The following ADAMTSL1 variants were observed in gnomAD, a reference collection of about 807,000 sequenced individuals.
The protein encoded by ADAMTSL1 is ADAMTS like 1, also known as ADAMTS-like protein 1.
In ADAMTSL1, 126 loss-of-function variants were observed where a neutral mutation model predicts 201.8. The observed-to-expected ratio is 0.62, with a 90% CI of 0.54 to 0.72. The LOEUF is 0.72. Ranked by LOEUF, ADAMTSL1 falls within the 30% of genes least tolerant of loss-of-function variation. The pLI is 0.00. For missense variants in ADAMTSL1, 2,679 were observed against 2,277.8 expected, an observed-to-expected ratio of 1.18 and a Z score of -3.59; for synonymous variants, 1,121 against 903.4, an observed-to-expected ratio of 1.24 and a Z score of -4.32.
At chr9:18,128,104 T>A (rs2067718) in intron 1 of ADAMTSL1, among the ~76,000 whole-genome samples, 2,585 of 152,312 alleles carry the variant, frequency 0.017, 40 homozygotes, top group African/African-American at 0.045. Context: ...TAGTTTGTGA[T>A]ATACTGAGTC....
chr9:18,279,574 A>T (rs542841137), intron 2 of ADAMTSL1, among the ~76,000 whole-genome samples: 7 of 151,510 alleles, frequency 4.6e-5, no homozygotes, highest in African/African-American at 1.2e-4. Flanking sequence ...CCCTTCACCA[A>T]TCGGGGAAAC....
chr9:17,958,702 C>G (rs1307123464), intron 1 of ADAMTSL1, among the ~76,000 whole-genome samples: 1 of 152,012 alleles, frequency 6.6e-6, no homozygotes, highest in Non-Finnish European at 1.5e-5. Flanking sequence ...TAAAACCAAA[C>G]CCAAACCCAA....
intron 23 of ADAMTSL1, among the ~76,000 whole-genome samples, chr9:18,846,418 G>A (rs575965764): frequency 6.6e-5 from 10 of 152,254 alleles, no homozygotes; most frequent in East Asian, 5.8e-4. Flanking sequence ...TAGAGGAGCC[G>A]GCAGAGGTTA....
At chr9:18,356,472 G>A (rs759098240) in intron 2 of ADAMTSL1, among the ~76,000 whole-genome samples, 2 of 146,148 alleles carry the variant, frequency 1.4e-5, no homozygotes. Context: ...AGGCTTCAGT[G>A]AGCTATGATT....
intron 3 of ADAMTSL1, among the ~76,000 whole-genome samples, chr9:18,541,155 G>C (rs924996715): frequency 6.6e-6 from 1 of 152,178 alleles, no homozygotes; most frequent in African/African-American, 2.4e-5. Context: ...ATTGGGAGCA[G>C]GCTCTCCTAT....
At chr9:18,224,026 T>A (rs1272984324) in intron 2 of ADAMTSL1, among the ~76,000 whole-genome samples, 1 of 152,136 alleles carries the variant, frequency 6.6e-6, no homozygotes, top group Non-Finnish European at 1.5e-5. Context: ...GCATTCTTTT[T>A]TTTTCTTCTT....
intron 15 of ADAMTSL1, among the ~76,000 whole-genome samples, chr9:18,725,617 T>C (rs763873670): frequency 3.3e-5 from 5 of 152,188 alleles, no homozygotes; most frequent in Non-Finnish European, 5.9e-5. Flanking sequence ...ATAAGGAGGT[T>C]TTCTGTGTTA....
intron 2 of ADAMTSL1, among the ~76,000 whole-genome samples, chr9:18,513,261 A>C (rs1818142722): frequency 6.6e-6 from 1 of 151,838 alleles, no homozygotes; most frequent in Non-Finnish European, 1.5e-5. Flanking sequence ...CAATTTAGCC[A>C]TCTTGCATCA....
intron 3 of ADAMTSL1, among the ~76,000 whole-genome samples, chr9:18,546,154 T>A (rs1408704922): frequency 3.9e-5 from 6 of 152,326 alleles, no homozygotes; most frequent in African/African-American, 9.6e-5. Flanking sequence ...AAAGAGGTTA[T>A]CTTTGAGGTT....
intron 19 of ADAMTSL1, among the ~76,000 whole-genome samples, chr9:18,780,921 A>G (rs1225816865): frequency 1.3e-5 from 2 of 152,186 alleles, no homozygotes; most frequent in African/African-American, 4.8e-5. Context: ...AAGCATTCCA[A>G]TGTGTGTTGT....
chr9:18,598,979 C>T (rs1364304153), intron 4 of ADAMTSL1, among the ~76,000 whole-genome samples: 1 of 152,154 alleles, frequency 6.6e-6, no homozygotes, highest in Non-Finnish European at 1.5e-5. Context: ...ATACTTCATA[C>T]TGTCCTCTCT....
intron 1 of ADAMTSL1, among the ~76,000 whole-genome samples, chr9:17,919,201 T>C (rs1422827334): frequency 6.6e-6 from 1 of 151,900 alleles, no homozygotes; most frequent in Non-Finnish European, 1.5e-5. Flanking sequence ...TAATATGTTG[T>C]AGTGGCAATA....
chr9:18,459,087 A>C (rs1349566934), intron 2 of ADAMTSL1, among the ~76,000 whole-genome samples: 2 of 152,204 alleles, frequency 1.3e-5, no homozygotes, highest in African/African-American at 4.8e-5. Flanking sequence ...TGCCATAATA[A>C]CTGAGTTGGA....
At chr9:18,390,062 TAGAATA>T (rs1290750636) in intron 2 of ADAMTSL1, among the ~76,000 whole-genome samples, 7 of 152,118 alleles carry the variant, frequency 4.6e-5, no homozygotes, top group Admixed American at 4.6e-4. Context: ...GGTTAAAAAT[TAGAATA>T]AGAATATTTA....
chr9:18,674,962 A>G (rs1039311838), intron 9 of ADAMTSL1, among the ~76,000 whole-genome samples: 6 of 151,526 alleles, frequency 4.0e-5, no homozygotes, highest in African/African-American at 1.2e-4. Flanking sequence ...AGTCTTACCA[A>G]TTGGAGACTT....
At position 18,361,827 on chromosome 9, in the gene ADAMTSL1, T is replaced by C. The variant is rs879043423; in HGVS notation, c.208-143002T>C. Among the ~76,000 whole-genome samples the C allele has an allele frequency of 3.3e-5, 5 of 152,208 alleles. 1 individual carries two copies. Among genetic ancestry groups the C allele is most frequent in the Admixed American group, 3.3e-4 (5 of 15,286 alleles). The stretch of plus-strand genomic sequence containing the variant: ...ACTAAATGAATTTGGTGGTCTCAGC[T>C]GAGTTTCCAGCAAGTTTTAGCCTGC... On this transcript the variant is annotated intron_variant, in intron 2 of 29. Transcript: ENST00000680146.
At chr9:18,845,206 C>A (rs1356614427) in intron 23 of ADAMTSL1, among the ~76,000 whole-genome samples, 2 of 152,244 alleles carry the variant, frequency 1.3e-5, no homozygotes, top group Non-Finnish European at 2.9e-5. Flanking sequence ...GCACACTCTC[C>A]TTAGTGAGCA....
chr9:18,179,560 C>G (rs201546198), intron 2 of ADAMTSL1, among the ~76,000 whole-genome samples: 1 of 152,006 alleles, frequency 6.6e-6, no homozygotes, highest in African/African-American at 2.4e-5. Context: ...GAGCAACTCC[C>G]AGACACATAA....
At chr9:18,184,717 C>T (rs1398530984) in intron 2 of ADAMTSL1, among the ~76,000 whole-genome samples, 1 of 152,110 alleles carries the variant, frequency 6.6e-6, no homozygotes, top group Non-Finnish European at 1.5e-5. Flanking sequence ...TTTCACAACG[C>T]ATCTATAGAA....
Sources: allele counts gnomAD v4.1 joint callset (sites outside exome capture counted in the v4.1 genomes callset), GRCh38; gene constraint gnomAD v4.1.1; transcripts MANE v1.5; gene names NCBI Gene and HGNC (gene_info 2026-07-23, HGNC 2026-07-21).